CTNND2: variants seen among roughly 807,000 people sequenced by gnomAD.
The protein encoded by CTNND2 is catenin delta-2.
Under a neutral mutation model 144.4 loss-of-function variants are expected in CTNND2, and 22 were observed. The ratio of observed to expected loss-of-function variants is 0.15; its 90% CI spans 0.11 to 0.22. The LOEUF (loss-of-function observed/expected upper bound fraction) is 0.22, where lower values mean the gene tolerates loss of function less well. Among genes scored for constraint, CTNND2 ranks in the 10% least tolerant of loss-of-function variants. The probability of loss-of-function intolerance (pLI) is 1.00; values close to 1 mark genes in which losing one functional copy is unlikely to be tolerated. For synonymous variants in CTNND2, 751 were observed against 695.6 expected, an observed-to-expected ratio of 1.08 and a Z score of -1.25; for missense variants, 1,353 against 1,618.8, an observed-to-expected ratio of 0.84 and a Z score of 2.82.
chr5:11,099,211 T>C (rs1561300479), intron 14 of CTNND2, among the ~76,000 whole-genome samples: 1 of 152,226 alleles, frequency 6.6e-6, no homozygotes, highest in Non-Finnish European at 1.5e-5. Flanking sequence ...TAAACTCCTA[T>C]ATAATTTGTT....
intron 18 of CTNND2, among the ~76,000 whole-genome samples, chr5:11,012,981 G>A (rs1275159514): frequency 1.3e-5 from 2 of 152,180 alleles, no homozygotes; most frequent in Non-Finnish European, 2.9e-5. Context: ...CATGTGATGG[G>A]ATTCATGCTA....
At chr5:11,536,871 T>C (rs937208973) in intron 3 of CTNND2, among the ~76,000 whole-genome samples, 6 of 152,102 alleles carry the variant, frequency 3.9e-5, no homozygotes, top group East Asian at 1.9e-4. Context: ...TAGAAACCTA[T>C]TGAAATAAAA....
intron 12 of CTNND2, among the ~76,000 whole-genome samples, chr5:11,151,195 G>A (rs1757728922): frequency 6.6e-6 from 1 of 152,200 alleles, no homozygotes; most frequent in South Asian, 2.1e-4. Flanking sequence ...TTACAGTGCT[G>A]GAGAGGCTGG....
chr5:11,766,734 G>A (rs1789610118), intron 1 of CTNND2, among the ~76,000 whole-genome samples: 1 of 152,172 alleles, frequency 6.6e-6, no homozygotes, highest in African/African-American at 2.4e-5. Context: ...AAGTCATGGA[G>A]GGAAGGCTTT....
chr5:11,832,936 GT>G (rs771827467), intron 1 of CTNND2, among the ~76,000 whole-genome samples: 10 of 152,118 alleles, frequency 6.6e-5, no homozygotes, highest in Non-Finnish European at 1.5e-4. Flanking sequence ...GTGAGACCCT[GT>G]CTCTAAATAA....
chr5:11,058,416 G>A (rs1746564195), intron 16 of CTNND2, among the ~76,000 whole-genome samples: 1 of 152,240 alleles, frequency 6.6e-6, no homozygotes, highest in Non-Finnish European at 1.5e-5. Flanking sequence ...GAGGGTGCAA[G>A]CCCCAAGCCT....
chr5:11,428,636 G>T (rs1348290636), intron 3 of CTNND2, among the ~76,000 whole-genome samples: 1 of 152,176 alleles, frequency 6.6e-6, no homozygotes. Context: ...CATAAAACAG[G>T]TGTTCACAAA....
rs991859795 is a variant in CTNND2, at chr5:11,635,304, G to A, written c.175-70248C>T. 2.0e-5 allele frequency among the ~76,000 whole-genome samples: 3 copies of A among 152,070 alleles called. No individual in the cohort carries two copies. In the East Asian group the frequency reaches 5.8e-4, roughly 29 times the overall value. On this transcript the variant is annotated intron_variant, in intron 2 of 21. Coordinates refer to ENST00000304623, the MANE Select transcript of CTNND2 (RefSeq NM_001332.4). ...AGAAGAAGGCATCACCCATAAGAGA[G>A]GGGTAATGATCAGAGAGAACAGTGA... is the stretch of plus-strand genomic sequence containing the variant.
intron 3 of CTNND2, among the ~76,000 whole-genome samples, chr5:11,542,839 C>G (rs762422685): frequency 3.3e-5 from 5 of 152,208 alleles, no homozygotes; most frequent in Non-Finnish European, 7.3e-5. Flanking sequence ...AAACCCACAG[C>G]AACAGGAAAG....
chr5:11,672,444 AC>A (rs1783922927), intron 2 of CTNND2, among the ~76,000 whole-genome samples: 1 of 152,164 alleles, frequency 6.6e-6, no homozygotes, highest in Non-Finnish European at 1.5e-5. Flanking sequence ...TAAGTCCCTG[AC>A]TGGGGCTGCT....
At chr5:11,775,674 C>G (rs1460289643) in intron 1 of CTNND2, among the ~76,000 whole-genome samples, 1 of 152,166 alleles carries the variant, frequency 6.6e-6, no homozygotes, top group East Asian at 1.9e-4. Context: ...TCAGAGGAGT[C>G]AAAGGAGCGA....
intron 16 of CTNND2, among the ~76,000 whole-genome samples, chr5:11,062,454 C>T (rs1747102313): frequency 6.6e-6 from 1 of 152,224 alleles, no homozygotes; most frequent in African/African-American, 2.4e-5. Flanking sequence ...TAAATCTTGC[C>T]TGGTGTTTCA....
At chr5:11,019,980 AC>A (rs1404821481) in intron 17 of CTNND2, among the ~76,000 whole-genome samples, 2 of 152,232 alleles carry the variant, frequency 1.3e-5, no homozygotes, top group African/African-American at 4.8e-5. Context: ...CGAGTATAAG[AC>A]TACTATAAGA....
rs566670125 is a variant in CTNND2 at position 11,557,890 on chromosome 5, G to C, written c.287+7054C>G. 2.6e-5 allele frequency among the ~76,000 whole-genome samples: 4 copies of C among 152,234 alleles called. No individual in the cohort carries two copies. In the South Asian group the frequency reaches 6.2e-4, roughly 24 times the overall value. On this transcript the variant is annotated intron_variant, in intron 3 of 21. Coordinates refer to ENST00000304623, the MANE Select transcript of CTNND2 (RefSeq NM_001332.4). The stretch of plus-strand genomic sequence containing the variant: ...AGTTATTGAAGAGACATACACATTT[G>C]GAATCTCTTGATAATCCAGGAGGGA...
At chr5:11,703,030 C>G (rs184295439) in intron 2 of CTNND2, among the ~76,000 whole-genome samples, 2 of 152,142 alleles carry the variant, frequency 1.3e-5, no homozygotes, top group Admixed American at 1.3e-4. Context: ...TCTAGGATGA[C>G]GCATTCAGGG....
chr5:11,559,067 C>A (rs1776473185), intron 3 of CTNND2, among the ~76,000 whole-genome samples: 1 of 152,072 alleles, frequency 6.6e-6, no homozygotes, highest in Non-Finnish European at 1.5e-5. Flanking sequence ...AAGTGAGGCC[C>A]TCTGGGAAAC....
In CTNND2 at chr5:11,261,832, T is replaced by C. The variant is rs574412655; in HGVS notation, c.1629-25009A>G. Among the ~76,000 whole-genome samples the C allele has an allele frequency of 9.2e-5, 14 of 152,328 alleles. No homozygotes were observed. In the South Asian group the frequency reaches 2.5e-3, roughly 27 times the overall value. On this transcript the variant is annotated intron_variant, in intron 9 of 21. Transcript: ENST00000304623. ...GAGTGAATGGGCCCACAATTTTCCC[T>C]TCCTGAAAGTCAACTTGAAGTTGAA...
At chr5:11,746,314 C>A (rs138887301) in intron 1 of CTNND2, among the ~76,000 whole-genome samples, 288 of 152,282 alleles carry the variant, frequency 1.9e-3, no homozygotes, top group Non-Finnish European at 3.4e-3. Flanking sequence ...TTTCTCTTTT[C>A]ACTTTCATAG....
intron 5 of CTNND2, 46 bp from the exon 6 acceptor site, chr5:11,397,249 G>A: frequency 6.5e-7 from 1 of 1,541,084 alleles, no homozygotes; most frequent in Non-Finnish European, 8.9e-7. Flanking sequence ...TCTCAGTGAA[G>A]CAGAAATGAC....
Sources: allele counts gnomAD v4.1 joint callset (sites outside exome capture counted in the v4.1 genomes callset), GRCh38; gene constraint gnomAD v4.1.1; transcripts MANE v1.5; gene names NCBI Gene and HGNC (gene_info 2026-07-23, HGNC 2026-07-21).